GNB5: variants seen among roughly 807,000 people sequenced by gnomAD.
GNB5 encodes the protein G protein subunit beta 5.
A neutral mutation model predicts 55.3 loss-of-function variants in GNB5; 37 were observed. The observed-to-expected ratio is 0.67, with a 90% CI of 0.51 to 0.88. The LOEUF is 0.88. GNB5 is among the 40% of genes least tolerant of loss of function. The pLI is 0.00. For synonymous variants in GNB5, 219 were observed against 198.5 expected, an observed-to-expected ratio of 1.10 and a Z score of -0.87; for missense variants, 476 against 515.3, an observed-to-expected ratio of 0.92 and a Z score of 0.74.
In GNB5 at chr15:52,135,588, T is replaced by C. The variant is rs775658854; in HGVS notation, c.771+25A>G. On this transcript the variant is annotated intron_variant, in intron 8 of 12. Transcript: ENST00000261837. ...GCCTCCTTAGTGGACACAGGAGCCCTAGGGAATTTCCACTGGGTCTTTACC... is the reference window on the plus strand; with the variant it reads ...GCCTCCTTAGTGGACACAGGAGCCCCAGGGAATTTCCACTGGGTCTTTACC... The C allele has an allele frequency of 2.4e-5, 38 of 1,608,838 alleles. No individual in the cohort carries two copies. The South Asian group carries it at 4.1e-4, about 17-fold the overall frequency.
chr15:52,146,758 T>C (rs984322099), intron 6 of GNB5, among the ~76,000 whole-genome samples: 408 of 115,988 alleles, frequency 3.5e-3, no homozygotes, highest in African/African-American at 0.012. Flanking sequence ...TTTTTTTTTT[T>C]CTGTAGAGAC....
At chr15:52,161,904 C>T (rs2034343851) in intron 3 of GNB5, among the ~76,000 whole-genome samples, 1 of 152,228 alleles carries the variant, frequency 6.6e-6, no homozygotes, top group African/African-American at 2.4e-5. Flanking sequence ...TCTCCCCCAA[C>T]TGCCTCTGCT....
At chr15:52,189,756 C>A (rs972666664) in intron 1 of GNB5, among the ~76,000 whole-genome samples, 1 of 152,208 alleles carries the variant, frequency 6.6e-6, no homozygotes, top group Non-Finnish European at 1.5e-5. Context: ...GACGTTCTGA[C>A]ACATGCTACA....
Position 52,128,220 on chromosome 15 carries a change from A to G in GNB5, c.888T>C (p.Phe296=). 2 of 1,611,796 alleles carry G rather than the reference A, an allele frequency of 1.2e-6. No individual in the cohort carries two copies. Among genetic ancestry groups the G allele is most frequent in the Non-Finnish European group, 1.7e-6 (2 of 1,177,850 alleles). The change falls in exon 10 of 13, where the codon TTT becomes TTC. Residue 296 remains phenylalanine, a synonymous_variant. Transcript: ENST00000261837. The part of the protein sequence containing the change: ...SVRYYPSGDA[F]ASGSDDATCR... ...CCGTAGCGTCATCTGACCCTGAAGCAAAGGCATCTCCACTGGGGTAGTACC... is the reference window on the plus strand; with the variant it reads ...CCGTAGCGTCATCTGACCCTGAAGCGAAGGCATCTCCACTGGGGTAGTACC...
At chr15:52,190,778 TAAAAAAAAAA>T (rs58614125) in intron 1 of GNB5, among the ~76,000 whole-genome samples, 7 of 96,908 alleles carry the variant, frequency 7.2e-5, no homozygotes, top group African/African-American at 2.6e-4. Flanking sequence ...CTTATTTCCT[TAAAAAAAAAA>T]AAAAAAAAAA....
Position 52,179,848 on chromosome 15 carries a change from G to A in GNB5, c.158C>T (p.Thr53Met). ...GGCCTCGCTCTTCAGCGACGCCAGC[G>A]TCTCGTTCTCGTGCAGCCCCTCGGT... is the stretch of plus-strand genomic sequence containing the variant. Reference protein sequence around the residue: ...MATEGLHENETLASLKSEAES... With the variant: ...MATEGLHENEMLASLKSEAES... Residue 53 changes from threonine (T) to methionine (M), a missense_variant, in exon 3 of 13, where the codon ACG becomes ATG. By Grantham distance (81) the Thr-to-Met change is moderately conservative. Coordinates refer to ENST00000261837, the MANE Select transcript of GNB5 (RefSeq NM_016194.4). 3 of 1,553,846 alleles carry A rather than the reference G, an allele frequency of 1.9e-6. No homozygotes were observed. The highest frequency in any genetic ancestry group is 1.4e-5 in the African/African-American group (1 of 70,512).
At chr15:52,183,423 A>G (rs1007902414) in intron 2 of GNB5, among the ~76,000 whole-genome samples, 10 of 152,218 alleles carry the variant, frequency 6.6e-5, no homozygotes, top group African/African-American at 2.4e-4. Context: ...GTTAGAACGT[A>G]GACTGTAGAA....
intron 3 of GNB5, among the ~76,000 whole-genome samples, chr15:52,154,291 CTCTT>C (rs2141215437): frequency 1.3e-5 from 2 of 152,338 alleles, no homozygotes; most frequent in Admixed American, 1.3e-4. Flanking sequence ...CTGCCATTCT[CTCTT>C]TGTGTTTAAG....
At chr15:52,141,063 C>T (rs767490406) in intron 7 of GNB5, 77 bp downstream of exon 7, 18 of 1,336,972 alleles carry the variant, frequency 1.3e-5, no homozygotes, top group Middle Eastern at 1.9e-4. Flanking sequence ...AGAGAGACGC[C>T]GAAAGCTTCC....
intron 3 of GNB5, among the ~76,000 whole-genome samples, chr15:52,162,425 G>C (rs1028143400): frequency 6.6e-5 from 10 of 152,132 alleles, no homozygotes; most frequent in African/African-American, 2.4e-4. Flanking sequence ...ATTCACAACA[G>C]GGTCCTTCTC....
At position 52,137,227 on chromosome 15, in the gene GNB5, C is replaced by T. The variant is rs554151798; in HGVS notation, c.628-1471G>A. The T allele has an allele frequency of 2.4e-5, 28 of 1,162,540 alleles. No individual in the cohort carries two copies. In the East Asian group the frequency reaches 3.2e-4, roughly 13 times the overall value. 72.0% of individuals were successfully genotyped at this position (1,162,540 alleles called of 1,614,324 possible). A position where few individuals can be genotyped will look rare whatever the true frequency, so the allele number is the denominator to read the frequency against. The stretch of plus-strand genomic sequence containing the variant: ...CTTGGTTGCAAGTATTTCTGATGTT[C>T]GCTTGGGGAGTTGACATCACCAGTA... On this transcript the variant is annotated intron_variant, in intron 7 of 12. Coordinates refer to ENST00000261837, the MANE Select transcript of GNB5 (RefSeq NM_016194.4).
At chr15:52,186,467 A>G (rs2034847972) in intron 1 of GNB5, among the ~76,000 whole-genome samples, 1 of 152,196 alleles carries the variant, frequency 6.6e-6, no homozygotes, top group Non-Finnish European at 1.5e-5. Flanking sequence ...GAAAGAGAGA[A>G]GGAGCTGGAT....
intron 3 of GNB5, among the ~76,000 whole-genome samples, chr15:52,163,847 C>G (rs2034393816): frequency 6.6e-6 from 1 of 152,164 alleles, no homozygotes; most frequent in African/African-American, 2.4e-5. Context: ...AGGTTGGTGC[C>G]CCTCTGGGAT....
At chr15:52,129,253 C>A (rs556153472) in intron 9 of GNB5, among the ~76,000 whole-genome samples, 33 of 152,188 alleles carry the variant, frequency 2.2e-4, no homozygotes, top group African/African-American at 7.9e-4. Flanking sequence ...ACCGCACCCA[C>A]GCTGTTTCTC....
chr15:52,157,400 C>T (rs2034236060), intron 3 of GNB5, among the ~76,000 whole-genome samples: 1 of 152,016 alleles, frequency 6.6e-6, no homozygotes, highest in Admixed American at 6.6e-5. Context: ...GCATGTACAA[C>T]CATGCCCAGC....
At chr15:52,152,947 CAGTT>C (rs2034131648) in intron 4 of GNB5, among the ~76,000 whole-genome samples, 1 of 152,216 alleles carries the variant, frequency 6.6e-6, no homozygotes, top group Non-Finnish European at 1.5e-5. Flanking sequence ...CATGTGACTT[CAGTT>C]TATAGCTTTA....
rs1009613071 is a variant in GNB5, at chr15:52,115,179, T to C, written c.*7578A>G. The C allele has an allele frequency of 2.0e-5, 3 of 152,268 alleles. No homozygotes were observed. Among genetic ancestry groups the C allele is most frequent in the Non-Finnish European group, 4.4e-5 (3 of 68,042 alleles). The allele number at this position is 152,268 out of a possible 1,614,324, so 9.4% of individuals were successfully genotyped here. A position where few individuals can be genotyped will look rare whatever the true frequency, so the allele number is the denominator to read the frequency against. ...ACATTAAACTTTAGCAGCAAGAACATTGTTTTCTCTTAGATTTGCAGTAGC... is the reference window on the plus strand; with the variant it reads ...ACATTAAACTTTAGCAGCAAGAACACTGTTTTCTCTTAGATTTGCAGTAGC... On this transcript the variant is annotated 3_prime_UTR_variant, in exon 13 of 13. Transcript: ENST00000261837.
At chr15:52,137,498 A>G (rs2033752130) in intron 7 of GNB5, 1 of 1,018,202 alleles carries the variant, frequency 9.8e-7, no homozygotes, top group African/African-American at 1.7e-5. Flanking sequence ...GCTTCTGGGC[A>G]GGAGAATGAG....
intron 3 of GNB5, among the ~76,000 whole-genome samples, chr15:52,156,606 C>G (rs2141217716): frequency 6.6e-6 from 1 of 152,246 alleles, no homozygotes; most frequent in African/African-American, 2.4e-5. Context: ...TGGCACATAT[C>G]TGTGGTCCCA....
Sources: gnomAD v4.1 joint callset for allele counts (sites outside exome capture counted in the v4.1 genomes callset) on GRCh38, gnomAD v4.1.1 for gene constraint, MANE v1.5 for transcripts, NCBI Gene and HGNC (gene_info 2026-07-23, HGNC 2026-07-21) for gene names.